MND1: variants seen among roughly 807,000 people sequenced by gnomAD.
MND1 encodes meiotic nuclear division protein 1 homolog.
A neutral mutation model predicts 35.1 loss-of-function variants in MND1; 28 were observed. The ratio of observed to expected loss-of-function variants is 0.80; its 90% confidence interval spans 0.59 to 1.09. MND1 has a LOEUF of 1.09. Ranked by LOEUF, MND1 falls within the 50% of genes least tolerant of loss-of-function variation. The pLI, the probability that MND1 is intolerant of heterozygous loss-of-function variation, is 0.00. For missense variants in MND1, 213 were observed against 239.6 expected, an observed-to-expected ratio of 0.89 and a Z score of 0.73; for synonymous variants, 69 against 70.5, an observed-to-expected ratio of 0.98 and a Z score of 0.11.
chr4:153,406,862 T>A lies in MND1; in HGVS notation c.467-2109T>A, dbSNP rs567092674. Reference sequence around the variant, plus strand: ...ACAAAAGAAAGAGGTTTATTGGACTTACGGTGCCACGTATTTGGGGAAACC... The same window carrying A: ...ACAAAAGAAAGAGGTTTATTGGACTAACGGTGCCACGTATTTGGGGAAACC... On this transcript the variant is annotated intron_variant, in intron 6 of 7. Transcript: ENST00000240488. Among the ~76,000 whole-genome samples the A allele has an allele frequency of 2.0e-5, 3 of 152,372 alleles. No homozygotes were observed. In the South Asian group the frequency reaches 6.2e-4, roughly 32 times the overall value.
intron 4 of MND1, among the ~76,000 whole-genome samples, chr4:153,389,906 C>T (rs1018005419): frequency 1.3e-5 from 2 of 152,066 alleles, no homozygotes; most frequent in African/African-American, 4.8e-5. Flanking sequence ...AATGTGGTGT[C>T]CCCAACTAGC....
At chr4:153,350,033 C>T (rs576114862) in intron 1 of MND1, 31 bp from the exon 2 acceptor site, 2 of 1,466,596 alleles carry the variant, frequency 1.4e-6, no homozygotes, top group African/African-American at 1.4e-5. Context: ...TGTTTAAAAG[C>T]ATTGTTTACT....
chr4:153,409,136 C>A, intron 7 of MND1, 121 bp downstream of exon 7: 1 of 382,838 alleles, frequency 2.6e-6, no homozygotes, highest in Non-Finnish European at 4.6e-6. Flanking sequence ...AAAATGTATG[C>A]ATTACTCAAA....
intron 4 of MND1, among the ~76,000 whole-genome samples, chr4:153,390,889 A>ATATATGTGTGTG (rs757236550): frequency 8.6e-5 from 12 of 139,858 alleles, no homozygotes; most frequent in South Asian, 2.5e-4. Flanking sequence ...AGGTATATAT[A>ATATATGTGTGTG]TGTGTGTGTG....
At chr4:153,360,993 A>G (rs895744408) in intron 4 of MND1, among the ~76,000 whole-genome samples, 1 of 152,048 alleles carries the variant, frequency 6.6e-6, no homozygotes, top group Non-Finnish European at 1.5e-5. Context: ...GCACACCACC[A>G]AACTCTGCTA....
chr4:153,386,104 A>T (rs1393900182), intron 4 of MND1, among the ~76,000 whole-genome samples: 2 of 152,090 alleles, frequency 1.3e-5, no homozygotes, highest in Non-Finnish European at 2.9e-5. Flanking sequence ...CACCTATGGG[A>T]AATCTCTATA....
At chr4:153,401,178 G>A (rs1358959540) in intron 6 of MND1, among the ~76,000 whole-genome samples, 1 of 152,138 alleles carries the variant, frequency 6.6e-6, no homozygotes, top group African/African-American at 2.4e-5. Context: ...CAAGGTGAGT[G>A]GATCACTTGA....
At chr4:153,368,679 G>GA (rs1197064911) in intron 4 of MND1, among the ~76,000 whole-genome samples, 1 of 152,074 alleles carries the variant, frequency 6.6e-6, no homozygotes, top group Admixed American at 6.5e-5. Context: ...ACAGAGCCTG[G>GA]AAAAAAGATC....
At chr4:153,401,615 C>T (rs187575383) in intron 6 of MND1, among the ~76,000 whole-genome samples, 175 of 152,158 alleles carry the variant, frequency 1.2e-3, no homozygotes, top group African/African-American at 3.7e-3. Flanking sequence ...ATCATGTTAA[C>T]GCAGAACAGA....
At chr4:153,358,704 T>C (rs1361756829) in intron 4 of MND1, 82 bp downstream of exon 4, 1 of 1,398,150 alleles carries the variant, frequency 7.2e-7, no homozygotes, top group Non-Finnish European at 9.5e-7. Flanking sequence ...TTTAGCAGTT[T>C]CTTTTGAATT....
At chr4:153,391,581 G>A (rs1480301025) in intron 4 of MND1, among the ~76,000 whole-genome samples, 1 of 151,650 alleles carries the variant, frequency 6.6e-6, no homozygotes, top group East Asian at 1.9e-4. Flanking sequence ...CAAAAAATTC[G>A]TCGGATGTGG....
intron 3 of MND1, among the ~76,000 whole-genome samples, 189 bp from the exon 4 acceptor site, chr4:153,358,285 A>G (rs1267373067): frequency 6.6e-6 from 1 of 152,184 alleles, no homozygotes; most frequent in Non-Finnish European, 1.5e-5. Flanking sequence ...TTGCTTAAGG[A>G]TGGGGATACA....
Position 153,392,400 on chromosome 4 carries a change from C to T in MND1, c.277-1862C>T, listed in dbSNP as rs371721104. On this transcript the variant is annotated intron_variant, in intron 4 of 7. Transcript: ENST00000240488. ...GATTACAGGTGTGAGCCACCATGCC[C>T]GGCCGTAAACAGTTAGTTTTTTATA... 1.1e-4 allele frequency among the ~76,000 whole-genome samples: 16 copies of T among 152,192 alleles called. No individual in the cohort carries two copies. In the South Asian group the frequency reaches 1.2e-3, roughly 12 times the overall value.
intron 4 of MND1, among the ~76,000 whole-genome samples, chr4:153,365,334 T>C (rs1245161096): frequency 6.6e-6 from 1 of 152,106 alleles, no homozygotes; most frequent in Non-Finnish European, 1.5e-5. Flanking sequence ...CCATGATAGA[T>C]AACTCATAAA....
chr4:153,392,963 T>G (rs1258302387), intron 4 of MND1, among the ~76,000 whole-genome samples: 3 of 151,830 alleles, frequency 2.0e-5, no homozygotes, highest in East Asian at 1.9e-4. Context: ...CTAGAAAAAA[T>G]TATTAAAATA....
chr4:153,407,420 G>A (rs903193056), intron 6 of MND1, among the ~76,000 whole-genome samples: 2 of 152,052 alleles, frequency 1.3e-5, no homozygotes, highest in African/African-American at 2.4e-5. Flanking sequence ...CCAAGACCGC[G>A]CTATTGCACT....
intron 4 of MND1, among the ~76,000 whole-genome samples, chr4:153,390,921 G>A (rs75234764): frequency 0.02 from 2,593 of 129,532 alleles, 64 homozygotes; most frequent in African/African-American, 0.075. Context: ...GTGTGTATAT[G>A]TGTGTGTGTG....
chr4:153,404,892 A>T (rs963551110), intron 6 of MND1, among the ~76,000 whole-genome samples: 2 of 151,938 alleles, frequency 1.3e-5, no homozygotes, highest in Admixed American at 1.3e-4. Context: ...ACACCTGGCT[A>T]ATTTTTTTTT....
chr4:153,388,231 T>G (rs748486600), intron 4 of MND1, among the ~76,000 whole-genome samples: 1 of 152,214 alleles, frequency 6.6e-6, no homozygotes, highest in Non-Finnish European at 1.5e-5. Flanking sequence ...GGCTCATGCC[T>G]GTAATTCCAG....
Sources: gnomAD v4.1 joint callset for allele counts (sites outside exome capture counted in the v4.1 genomes callset) on GRCh38, gnomAD v4.1.1 for gene constraint, MANE v1.5 for transcripts, NCBI Gene and HGNC (gene_info 2026-07-23, HGNC 2026-07-21) for gene names.